Variants in LRP12 observed in about 807,000 individuals in gnomAD.
The protein encoded by LRP12 is LDL receptor related protein 12.
LRP12 carries 14 observed loss-of-function variants against 66.0 expected under a neutral mutation model. The observed-to-expected ratio is 0.21, with a 90% CI of 0.14 to 0.33. LRP12 has a LOEUF of 0.33. LRP12 is among the 10% of genes least tolerant of loss of function. LRP12 has a pLI of 1.00. For synonymous variants in LRP12, 357 were observed against 359.1 expected (o/e 0.99, Z 0.07); for missense variants, 889 against 1,053.4 (o/e 0.84, Z 2.16).
At chr8:104,511,673 T>C (rs1810999366) in intron 2 of LRP12, among the ~76,000 whole-genome samples, 1 of 152,204 alleles carries the variant, frequency 6.6e-6, no homozygotes, top group Non-Finnish European at 1.5e-5. Context: ...TCCTTATTTC[T>C]ATAGAATAAC....
intron 1 of LRP12, among the ~76,000 whole-genome samples, chr8:104,570,192 A>T (rs1259825584): frequency 1.3e-5 from 2 of 152,184 alleles, no homozygotes; most frequent in African/African-American, 4.8e-5. Flanking sequence ...AACATAGTAA[A>T]GGTATCAATT....
Position 104,497,711 on chromosome 8 carries a change from G to C in LRP12, c.841C>G (p.Pro281Ala). Residue 281 changes from proline (P) to alanine (A), a missense_variant, in exon 5 of 7, where the codon CCT (proline) becomes GCT (alanine). Physicochemically the swap from Pro to Ala is conservative, Grantham distance 27. Around this residue, in one of 3 missense-constraint regions of LRP12, gnomAD observed 800 missense variants for 964.5 expected, o/e 0.83. Coordinates refer to ENST00000276654, the MANE Select transcript of LRP12 (RefSeq NM_013437.5). This position sits in a 1 kb window ranked among gnomAD's most constrained non-coding sequence, Gnocchi z 4.3. The part of the protein sequence containing the change: ...NSPNYPDFYP[P>A]GSNCTWLIDT... ...ATTAACCAGGTGCAATTGCTTCCAG[G>C]AGGATAAAAGTCTGGATAATTGGGA... 1 of 1,613,840 alleles carries C rather than the reference G, an allele frequency of 6.2e-7. No individual in the cohort carries two copies. Among genetic ancestry groups the C allele is most frequent in the Non-Finnish European group, 8.5e-7 (1 of 1,179,928 alleles).
chr8:104,548,307 T>TG (rs1564142100), intron 1 of LRP12, among the ~76,000 whole-genome samples: 37 of 40,242 alleles, frequency 9.2e-4, no homozygotes, highest in African/African-American at 4.5e-3. Flanking sequence ...ATATAATATA[T>TG]ATTATATAAA....
Position 104,490,573 on chromosome 8 carries a change from T to A in LRP12, c.*100A>T. On this transcript the variant is annotated 3_prime_UTR_variant, in exon 7 of 7. Transcript: ENST00000276654. ...TATAATAATAAGAAATCACCCTGCA[T>A]TTTTTCTTTTTAAACTAAAACTAGT... 8 of 1,368,284 alleles carry A rather than the reference T, an allele frequency of 5.8e-6. No homozygotes were observed. The highest frequency in any genetic ancestry group is 6.0e-6 in the Non-Finnish European group (6 of 1,005,636). The allele number at this position is 1,368,284 out of a possible 1,614,324, so 84.8% of individuals were successfully genotyped here. A position where few individuals can be genotyped will look rare whatever the true frequency, so the allele number is the denominator to read the frequency against.
chr8:104,522,514 G>A (rs1811167456), intron 2 of LRP12, among the ~76,000 whole-genome samples: 2 of 152,080 alleles, frequency 1.3e-5, no homozygotes, highest in South Asian at 2.1e-4. Flanking sequence ...TCACAGAAAT[G>A]TCAGATTTGC....
chr8:104,501,311 C>A (rs1400521282), intron 3 of LRP12, among the ~76,000 whole-genome samples: 1 of 151,924 alleles, frequency 6.6e-6, no homozygotes, highest in Non-Finnish European at 1.5e-5. Context: ...ATTTGCTGAA[C>A]ATCTTTTCAT....
intron 2 of LRP12, among the ~76,000 whole-genome samples, chr8:104,525,508 G>T (rs73295133): frequency 0.023 from 3,467 of 152,176 alleles, 89 homozygotes; most frequent in African/African-American, 0.062. Context: ...TTAGAAATTA[G>T]TAATTCCCCC....
At chr8:104,532,926 A>C (rs1410404344) in intron 1 of LRP12, among the ~76,000 whole-genome samples, 1 of 152,128 alleles carries the variant, frequency 6.6e-6, no homozygotes, top group African/African-American at 2.4e-5. Context: ...TGATGATTAA[A>C]ATGAAATCAT....
chr8:104,577,533 G>A (rs752552505), intron 1 of LRP12, among the ~76,000 whole-genome samples: 76 of 152,140 alleles, frequency 5.0e-4, no homozygotes, highest in South Asian at 4.8e-3. Context: ...GAAACAGGCC[G>A]GGAGCAGTGG....
intron 6 of LRP12, among the ~76,000 whole-genome samples, chr8:104,494,248 C>G (rs971920003): frequency 1.3e-5 from 2 of 152,198 alleles, no homozygotes; most frequent in African/African-American, 4.8e-5. Context: ...AACAGTGGAA[C>G]TTCTGAATGA....
intron 1 of LRP12, among the ~76,000 whole-genome samples, chr8:104,573,493 G>A (rs1012102185): frequency 3.9e-5 from 6 of 152,046 alleles, no homozygotes; most frequent in African/African-American, 1.2e-4. Flanking sequence ...TAGCTGATGC[G>A]TAAGAAGGGA....
intron 1 of LRP12, among the ~76,000 whole-genome samples, chr8:104,553,672 A>C (rs981226044): frequency 2.6e-5 from 4 of 152,154 alleles, no homozygotes; most frequent in African/African-American, 9.7e-5. Flanking sequence ...GTAGCCAAAA[A>C]ACAAAGGACA....
At chr8:104,513,407 C>A (rs1009447151) in intron 2 of LRP12, among the ~76,000 whole-genome samples, 1 of 152,170 alleles carries the variant, frequency 6.6e-6, no homozygotes, top group East Asian at 1.9e-4. Context: ...CTCAATCATG[C>A]ACCTCTTCCC....
At chr8:104,557,216 G>C (rs1000912068) in intron 1 of LRP12, among the ~76,000 whole-genome samples, 1 of 152,068 alleles carries the variant, frequency 6.6e-6, no homozygotes, top group East Asian at 1.9e-4. Flanking sequence ...TGCGCACTTT[G>C]ACTACTTCTA....
chr8:104,542,339 G>A (rs947044456), intron 1 of LRP12, among the ~76,000 whole-genome samples: 2 of 152,172 alleles, frequency 1.3e-5, no homozygotes, highest in African/African-American at 4.8e-5. Context: ...TAATTGGCTG[G>A]ATTGTCTTTC....
intron 2 of LRP12, among the ~76,000 whole-genome samples, chr8:104,525,661 T>A (rs1448538342): frequency 6.6e-6 from 1 of 152,160 alleles, no homozygotes; most frequent in Admixed American, 6.5e-5. Context: ...TTATTTGCCA[T>A]AATGTGCCTT....
At chr8:104,520,724 T>A (rs1410222259) in intron 2 of LRP12, among the ~76,000 whole-genome samples, 1 of 152,082 alleles carries the variant, frequency 6.6e-6, no homozygotes, top group Admixed American at 6.6e-5. Flanking sequence ...AGTCAACTGA[T>A]ACCCAAGTAC....
chr8:104,494,359 C>T (rs1208226848), intron 6 of LRP12, among the ~76,000 whole-genome samples: 1 of 152,148 alleles, frequency 6.6e-6, no homozygotes, highest in Non-Finnish European at 1.5e-5. Flanking sequence ...GTAATCAGAA[C>T]TCACATTTAC....
chr8:104,511,112 C>T (rs1475174194), intron 2 of LRP12, among the ~76,000 whole-genome samples: 2 of 133,994 alleles, frequency 1.5e-5, no homozygotes, highest in Non-Finnish European at 3.1e-5. Context: ...GGTACAATCT[C>T]GGCTCACTAC....
Sources: allele counts gnomAD v4.1 joint callset (sites outside exome capture counted in the v4.1 genomes callset), GRCh38; gene constraint gnomAD v4.1.1; regional missense constraint gnomAD v4.1.1; non-coding constraint Gnocchi (gnomAD v3.1); transcripts MANE v1.5; gene names NCBI Gene and HGNC (gene_info 2026-07-23, HGNC 2026-07-21).